Variants in ZNF679 observed in about 807,000 individuals in gnomAD.
ZNF679 encodes the protein hypothetical protein MGC42415.
A neutral mutation model predicts 13.4 loss-of-function variants in ZNF679; 10 were observed. The ratio of observed to expected loss-of-function variants is 0.75; its 90% confidence interval spans 0.46 to 1.27. ZNF679 has a LOEUF of 1.27. Ranked by LOEUF, ZNF679 falls within the 50% of genes most tolerant of loss-of-function variation. The pLI, the probability that ZNF679 is intolerant of heterozygous loss-of-function variation, is 0.00. For synonymous variants in ZNF679, 179 were observed against 162.5 expected (o/e 1.10, Z -0.77); for missense variants, 525 against 477.8 (o/e 1.10, Z -0.92).
At chr7:64,255,991 T>G (rs1788000445) in intron 2 of ZNF679, among the ~76,000 whole-genome samples, 1 of 152,064 alleles carries the variant, frequency 6.6e-6, no homozygotes, top group African/African-American at 2.4e-5. Context: ...TATCATGAAG[T>G]TTTTGTGTGC....
In ZNF679 at chr7:64,249,040, T is replaced by A; in HGVS notation, c.-78T>A. On this transcript the variant is annotated 5_prime_UTR_variant, in exon 2 of 5. Transcript: ENST00000421025. ...TCTCTGCGTCCAGAGCTCCAGTTCTTCTCTTCACTGCTCTGCGTCCTCTGT... is the reference window on the plus strand; with the variant it reads ...TCTCTGCGTCCAGAGCTCCAGTTCTACTCTTCACTGCTCTGCGTCCTCTGT... The A allele has an allele frequency of 8.1e-6, 13 of 1,602,672 alleles. No homozygotes were observed. Among genetic ancestry groups the A allele is most frequent in the Non-Finnish European group, 1.1e-5 (13 of 1,173,232 alleles).
chr7:64,257,926 T>C (rs904028858), intron 2 of ZNF679, among the ~76,000 whole-genome samples: 9 of 152,220 alleles, frequency 5.9e-5, no homozygotes, highest in African/African-American at 2.2e-4. Flanking sequence ...AGAATCGCTT[T>C]GCACAAAGCA....
chr7:64,236,947 A>C (rs1787727677), intron 1 of ZNF679, among the ~76,000 whole-genome samples: 6 of 35,292 alleles, frequency 1.7e-4, no homozygotes, highest in Admixed American at 1.6e-3. Flanking sequence ...GAAAGAAAGA[A>C]AGAAAGAAAG....
At chr7:64,257,350 A>G (rs1456039177) in intron 2 of ZNF679, among the ~76,000 whole-genome samples, 2 of 152,180 alleles carry the variant, frequency 1.3e-5, no homozygotes, top group Non-Finnish European at 2.9e-5. Flanking sequence ...CAAAATAGCC[A>G]TTTGGAAGTT....
At chr7:64,256,081 C>T (rs374327126) in intron 2 of ZNF679, among the ~76,000 whole-genome samples, 13 of 152,128 alleles carry the variant, frequency 8.5e-5, no homozygotes, top group African/African-American at 2.4e-4. Flanking sequence ...TGACCCTCCA[C>T]GCTGAACTGG....
intron 4 of ZNF679, among the ~76,000 whole-genome samples, chr7:64,262,619 C>G (rs574256512): frequency 3.3e-5 from 5 of 152,244 alleles, no homozygotes; most frequent in African/African-American, 1.2e-4. Context: ...AGATTATTTG[C>G]TCATACACAG....
At chr7:64,261,217 G>A (rs1584237929) in intron 4 of ZNF679, among the ~76,000 whole-genome samples, 3 of 151,978 alleles carry the variant, frequency 2.0e-5, no homozygotes, top group Admixed American at 2.0e-4. Flanking sequence ...CCATTGTTTT[G>A]GGGGCATGCT....
intron 1 of ZNF679, among the ~76,000 whole-genome samples, chr7:64,247,938 G>T (rs2116527176): frequency 6.6e-6 from 1 of 151,870 alleles, no homozygotes; most frequent in South Asian, 2.1e-4. Flanking sequence ...GCAGAGGATT[G>T]CCTCCTTTTT....
chr7:64,230,256 G>A (rs923833521), intron 1 of ZNF679, among the ~76,000 whole-genome samples: 7 of 152,240 alleles, frequency 4.6e-5, no homozygotes, highest in Admixed American at 2.6e-4. Flanking sequence ...CCAAGAGGCC[G>A]GGCGCGGTGG....
At chr7:64,265,388 A>C (rs1308344393) in intron 4 of ZNF679, among the ~76,000 whole-genome samples, 1 of 152,114 alleles carries the variant, frequency 6.6e-6, no homozygotes, top group Non-Finnish European at 1.5e-5. Flanking sequence ...TTTTCTATCC[A>C]TGTACTACAG....
At chr7:64,241,067 A>T (rs1787791942) in intron 1 of ZNF679, among the ~76,000 whole-genome samples, 1 of 152,158 alleles carries the variant, frequency 6.6e-6, no homozygotes. Flanking sequence ...TGGAAGGGTG[A>T]CAGTCCTTAC....
intron 1 of ZNF679, among the ~76,000 whole-genome samples, chr7:64,245,983 G>A (rs1050544401): frequency 6.6e-6 from 1 of 152,296 alleles, no homozygotes; most frequent in East Asian, 1.9e-4. Context: ...TCCAGCCTGG[G>A]CAACAAGAGC....
intron 3 of ZNF679, 55 bp downstream of exon 3, chr7:64,260,402 A>G: frequency 6.5e-7 from 1 of 1,545,122 alleles, no homozygotes; most frequent in Non-Finnish European, 8.7e-7. Context: ...CTCTTTTCTA[A>G]AATGTTTTTT....
Position 64,266,521 on chromosome 7 carries a change from C to T in ZNF679, c.888C>T (p.Tyr296=). 4 of 1,612,398 alleles carry T rather than the reference C, an allele frequency of 2.5e-6. No individual in the cohort carries two copies. Among genetic ancestry groups the T allele is most frequent in the Non-Finnish European group, 2.5e-6 (3 of 1,178,708 alleles). Residue 296 remains tyrosine (Y), a synonymous_variant, in exon 5 of 5, where the codon TAC becomes TAT. Coordinates refer to ENST00000421025, the MANE Select transcript of ZNF679 (RefSeq NM_153363.3). ...HKRIHTGEKP[Y]TCEECGKAFS... is the part of the protein sequence containing the mutation. ...GAATTCATACTGGAGAGAAACCATA[C>T]ACATGTGAAGAATGTGGCAAAGCCT...
At position 64,266,853 on chromosome 7, in the gene ZNF679, C is replaced by T. The variant is rs1439899398; in HGVS notation, c.1220C>T (p.Pro407Leu). The T allele has an allele frequency of 3.2e-6, 5 of 1,575,458 alleles. No homozygotes were observed. Among genetic ancestry groups the T allele is most frequent in the Non-Finnish European group, 4.3e-6 (5 of 1,160,690 alleles). The change falls in exon 5 of 5, where the codon CCC (proline) becomes CTC (leucine). Residue 407 changes from proline to leucine, a missense_variant. Physicochemically the swap from Pro to Leu is moderately conservative, Grantham distance 98. Transcript: ENST00000421025. ...AAGAGTATGCATACTGGAGAGAAAC[C>T]CTACAAATGTGAATAATGTGATAAA... Reference protein sequence around the residue: ...NHKSMHTGEKPYKCE With the variant: ...NHKSMHTGEKLYKCE
intron 2 of ZNF679, among the ~76,000 whole-genome samples, chr7:64,256,597 C>CT (rs1198174554): frequency 6.6e-6 from 1 of 150,932 alleles, no homozygotes; most frequent in Non-Finnish European, 1.5e-5. Flanking sequence ...ACTTTTTAGT[C>CT]TGAGTGTGTT....
chr7:64,229,943 A>G (rs943136710), intron 1 of ZNF679, among the ~76,000 whole-genome samples: 3 of 152,218 alleles, frequency 2.0e-5, no homozygotes, highest in Admixed American at 1.3e-4. Context: ...ATGTTACAAC[A>G]CATGCTGCGA....
intron 1 of ZNF679, among the ~76,000 whole-genome samples, chr7:64,231,491 A>G (rs1787638421): frequency 6.6e-6 from 1 of 152,146 alleles, no homozygotes; most frequent in Non-Finnish European, 1.5e-5. Flanking sequence ...GCAAAGCATT[A>G]TGTCTCAATG....
chr7:64,245,021 C>T (rs1025199596), intron 1 of ZNF679, among the ~76,000 whole-genome samples: 1 of 151,904 alleles, frequency 6.6e-6, no homozygotes, highest in African/African-American at 2.4e-5. Context: ...GGGACTTCTT[C>T]TTTCTTTGTT....
Sources: allele counts gnomAD v4.1 joint callset (sites outside exome capture counted in the v4.1 genomes callset), GRCh38; gene constraint gnomAD v4.1.1; transcripts MANE v1.5; gene names NCBI Gene and HGNC (gene_info 2026-07-23, HGNC 2026-07-21).